FYB1: variants seen among roughly 807,000 people sequenced by gnomAD.
FYB1 encodes FYN-binding protein 1.
Under a neutral mutation model 94.1 loss-of-function variants are expected in FYB1, and 41 were observed. The ratio of observed to expected loss-of-function variants is 0.44; its 90% CI spans 0.34 to 0.57. The LOEUF is 0.57. FYB1 is among the 20% of genes least tolerant of loss of function. The pLI, the probability that FYB1 is intolerant of heterozygous loss-of-function variation, is 0.02. For missense variants in FYB1, 1,050 were observed against 976.8 expected, an observed-to-expected ratio of 1.07 and a Z score of -1.00; for synonymous variants, 367 against 353.2, an observed-to-expected ratio of 1.04 and a Z score of -0.44.
At chr5:39,178,919 C>T (rs12658387) in intron 2 of FYB1, among the ~76,000 whole-genome samples, 48,587 of 152,000 alleles carry the variant, frequency 0.32, 8,464 homozygotes, top group East Asian at 0.54. Context: ...ACATAGAAAA[C>T]TGGCTGAGTT....
intron 2 of FYB1, among the ~76,000 whole-genome samples, chr5:39,171,793 C>T (rs1002613616): frequency 2.0e-5 from 3 of 152,184 alleles, no homozygotes; most frequent in Non-Finnish European, 4.4e-5. Flanking sequence ...TTCCTTCTGG[C>T]TATCACTTGC....
intron 1 of FYB1, among the ~76,000 whole-genome samples, chr5:39,230,219 GT>G (rs1383592859): frequency 1.3e-5 from 2 of 152,200 alleles, no homozygotes; most frequent in African/African-American, 4.8e-5. Flanking sequence ...GAAGACCCAA[GT>G]AACCAGAAGG....
chr5:39,251,728 A>C (rs1210368020), intron 1 of FYB1, among the ~76,000 whole-genome samples: 1 of 152,194 alleles, frequency 6.6e-6, no homozygotes, highest in Non-Finnish European at 1.5e-5. Flanking sequence ...TTATTTATAC[A>C]TGGATAAGGA....
chr5:39,169,175 A>C lies in FYB1; in HGVS notation c.1136-15571T>G, dbSNP rs935315263. On this transcript the variant is annotated intron_variant, in intron 2 of 18. Transcript: ENST00000512982. ...TCTTGCAGATCCCAAGTTTAGAAAA[A>C]GACAACTAATCATTGCAACATCTGG... 3 of 785,760 alleles carry C rather than the reference A, an allele frequency of 3.8e-6. No homozygotes were observed. The African/African-American group carries it at 5.0e-5, about 13-fold the overall frequency. The allele number at this position is 785,760 out of a possible 1,614,324, so 48.7% of individuals were successfully genotyped here. A position where few individuals can be genotyped will look rare whatever the true frequency, so the allele number is the denominator to read the frequency against.
At chr5:39,213,272 A>G (rs879245433) in intron 1 of FYB1, among the ~76,000 whole-genome samples, 1 of 152,194 alleles carries the variant, frequency 6.6e-6, no homozygotes, top group African/African-American at 2.4e-5. Flanking sequence ...CCAGGTTCTG[A>G]TTCTAAATTC....
intron 1 of FYB1, among the ~76,000 whole-genome samples, chr5:39,251,193 T>C (rs1751697884): frequency 1.3e-5 from 2 of 152,134 alleles, no homozygotes; most frequent in African/African-American, 4.8e-5. Context: ...TCTGCAACAG[T>C]GTTTCTTGAG....
In FYB1 at chr5:39,119,648, A is replaced by G; in HGVS notation, c.2139-14T>C. The G allele has an allele frequency of 6.6e-7, 1 of 1,504,822 alleles. No individual in the cohort carries two copies. Among genetic ancestry groups the G allele is most frequent in the Non-Finnish European group, 8.9e-7 (1 of 1,127,960 alleles). 93.2% of individuals were successfully genotyped at this position (1,504,822 alleles called of 1,614,324 possible). On this transcript the variant is annotated splice_polypyrimidine_tract_variant and intron_variant, in intron 14 of 18. Coordinates refer to ENST00000512982, the MANE Select transcript of FYB1 (RefSeq NM_001465.6). ...TTAGTTCCTTGACTAGAACGGCAGA[A>G]CACACATAAAACAACACTTTGTTTA...
chr5:39,254,360 A>G (rs759952864), intron 1 of FYB1, among the ~76,000 whole-genome samples: 3 of 152,084 alleles, frequency 2.0e-5, no homozygotes, highest in Non-Finnish European at 4.4e-5. Context: ...AGCATCTGTT[A>G]TTTTTTGACT....
chr5:39,185,498 A>C (rs1414168577), intron 2 of FYB1, among the ~76,000 whole-genome samples: 1 of 144,852 alleles, frequency 6.9e-6, no homozygotes, highest in African/African-American at 2.6e-5. Context: ...TCTAGAAAGG[A>C]TAGAAAAGAT....
At chr5:39,267,586 C>A (rs1752487264) in intron 1 of FYB1, among the ~76,000 whole-genome samples, 1 of 152,106 alleles carries the variant, frequency 6.6e-6, no homozygotes, top group Admixed American at 6.5e-5. Context: ...GGCTTTCTGC[C>A]ACTTGTTGAA....
At chr5:39,190,099 T>C (rs1261658063) in intron 2 of FYB1, among the ~76,000 whole-genome samples, 3 of 152,188 alleles carry the variant, frequency 2.0e-5, no homozygotes, top group Admixed American at 6.5e-5. Flanking sequence ...ATTTCCTACA[T>C]TGGCTTTTCT....
At position 39,228,883 on chromosome 5, in the gene FYB1, T is replaced by C. The variant is rs185798344; in HGVS notation, c.-27-25896A>G. ...TTAAAACACAATTAGAGTATTACAG[T>C]TGATGACCCCTTTGGGATTTTTACC... On this transcript the variant is annotated intron_variant, in intron 1 of 1. Coordinates refer to the FYB1 transcript ENST00000510188. 6.6e-5 allele frequency among the ~76,000 whole-genome samples: 10 copies of C among 152,324 alleles called. No homozygotes were observed. The East Asian group carries it at 1.7e-3, about 26-fold the overall frequency.
chr5:39,170,644 A>T (rs778419356), intron 2 of FYB1, among the ~76,000 whole-genome samples: 5 of 151,878 alleles, frequency 3.3e-5, no homozygotes, highest in Non-Finnish European at 7.4e-5. Context: ...TGTCATTATT[A>T]TTTGCCTACA....
In FYB1 at chr5:39,232,170, A is replaced by G. The variant is rs147129578; in HGVS notation, c.-27-29183T>C. On this transcript the variant is annotated intron_variant, in intron 1 of 1. Coordinates refer to the FYB1 transcript ENST00000510188. The stretch of plus-strand genomic sequence containing the variant: ...CTGTTTCAGAACATGCACACACACT[A>G]CACATGCACACACACGCATACCAAT... 2.8e-3 allele frequency among the ~76,000 whole-genome samples: 420 copies of G among 152,244 alleles called. 2 individuals are homozygous for G. The highest frequency in any genetic ancestry group is 0.01 in the Middle Eastern group (3 of 294).
intron 1 of FYB1, among the ~76,000 whole-genome samples, chr5:39,209,604 C>T (rs1020543072): frequency 3.3e-5 from 5 of 152,336 alleles, no homozygotes; most frequent in African/African-American, 4.8e-5. Context: ...GCTGGGATTA[C>T]AGGCGTGAGC....
chr5:39,118,397 C>A (rs1204778737), intron 16 of FYB1, among the ~76,000 whole-genome samples: 1 of 152,080 alleles, frequency 6.6e-6, no homozygotes, highest in Non-Finnish European at 1.5e-5. Flanking sequence ...TTGATATTCT[C>A]CATAATTTTA....
chr5:39,185,994 G>T (rs1412735381), intron 2 of FYB1, among the ~76,000 whole-genome samples: 1 of 152,066 alleles, frequency 6.6e-6, no homozygotes, highest in Non-Finnish European at 1.5e-5. Flanking sequence ...TTGTCCAGGA[G>T]GAAAGAGGAG....
intron 6 of FYB1, 130 bp from the exon 7 acceptor site, chr5:39,137,850 G>A (rs1381710467): frequency 8.1e-7 from 1 of 1,240,000 alleles, no homozygotes; most frequent in East Asian, 2.6e-5. Context: ...AAAAGCGAAA[G>A]GTTGTCAAAA....
At chr5:39,228,214 A>C (rs1750567277) in intron 1 of FYB1, among the ~76,000 whole-genome samples, 1 of 152,236 alleles carries the variant, frequency 6.6e-6, no homozygotes, top group South Asian at 2.1e-4. Flanking sequence ...AATGAAACAC[A>C]GTGAAATCAT....
Sources: gnomAD v4.1 joint callset for allele counts (sites outside exome capture counted in the v4.1 genomes callset) on GRCh38, gnomAD v4.1.1 for gene constraint, MANE v1.5 for transcripts, NCBI Gene and HGNC (gene_info 2026-07-23, HGNC 2026-07-21) for gene names.